The following CTNNA3 variants were observed in gnomAD, a reference collection of about 807,000 sequenced individuals.
The protein encoded by CTNNA3 is catenin alpha 3, also known as catenin alpha-3.
CTNNA3 carries 76 observed loss-of-function variants against 95.7 expected under a neutral mutation model. That is an observed-to-expected ratio of 0.79 (90% CI 0.66 to 0.96). CTNNA3 has a LOEUF of 0.96. Ranked by LOEUF, CTNNA3 falls within the 40% of genes least tolerant of loss-of-function variation. The pLI is 0.00. For synonymous variants in CTNNA3, 431 were observed against 374.4 expected (o/e 1.15, Z -1.74); for missense variants, 1,191 against 1,089.8 (o/e 1.09, Z -1.31).
chr10:66,261,394 C>A (rs2090994926), intron 13 of CTNNA3, among the ~76,000 whole-genome samples: 5 of 152,066 alleles, frequency 3.3e-5, no homozygotes, highest in Admixed American at 3.3e-4. Flanking sequence ...TATTCCTATT[C>A]TTAGCCAATG....
At chr10:66,112,983 T>A (rs2082175777) in intron 13 of CTNNA3, among the ~76,000 whole-genome samples, 1 of 152,188 alleles carries the variant, frequency 6.6e-6, no homozygotes. Context: ...TTGGGACATA[T>A]AACCAGAAGT....
At chr10:66,440,164 T>C (rs1350850138) in intron 11 of CTNNA3, among the ~76,000 whole-genome samples, 1 of 152,158 alleles carries the variant, frequency 6.6e-6, no homozygotes, top group African/African-American at 2.4e-5. Context: ...ACTTTAGATA[T>C]TTGAAGGTGA....
chr10:66,349,309 A>G (rs927602082), intron 12 of CTNNA3, among the ~76,000 whole-genome samples: 1 of 152,022 alleles, frequency 6.6e-6, no homozygotes, highest in African/African-American at 2.4e-5. Flanking sequence ...AAAAGCCTCA[A>G]ATGAATCCAC....
intron 13 of CTNNA3, among the ~76,000 whole-genome samples, chr10:66,188,474 A>G (rs1479450786): frequency 6.7e-6 from 1 of 149,638 alleles, no homozygotes; most frequent in Non-Finnish European, 1.5e-5. Flanking sequence ...AGATCAGGTG[A>G]TATTTGTCTT....
intron 3 of CTNNA3, among the ~76,000 whole-genome samples, chr10:67,583,687 C>A (rs2133327833): frequency 6.6e-6 from 1 of 152,344 alleles, no homozygotes; most frequent in Admixed American, 6.5e-5. Flanking sequence ...CCGTCACTTT[C>A]AGGTACACCA....
chr10:66,502,945 A>AT (rs201710393), intron 11 of CTNNA3, among the ~76,000 whole-genome samples: 1,639 of 147,742 alleles, frequency 0.011, 30 homozygotes, highest in African/African-American at 0.039. Context: ...AAATTATCAG[A>AT]TTTTTTTTAC....
At chr10:67,265,578 A>C (rs1866789600) in intron 5 of CTNNA3, among the ~76,000 whole-genome samples, 1 of 152,130 alleles carries the variant, frequency 6.6e-6, no homozygotes, top group African/African-American at 2.4e-5. Context: ...CAAAATGCCC[A>C]CACACACCTC....
intron 3 of CTNNA3, among the ~76,000 whole-genome samples, chr10:67,563,647 C>T (rs1251474722): frequency 1.3e-5 from 2 of 152,204 alleles, no homozygotes. Flanking sequence ...CAAATGGGAT[C>T]TAATTAAACT....
At chr10:66,119,642 T>TCC (rs2082489845) in intron 13 of CTNNA3, among the ~76,000 whole-genome samples, 1 of 152,194 alleles carries the variant, frequency 6.6e-6, no homozygotes, top group Non-Finnish European at 1.5e-5. Flanking sequence ...ATAACTTATA[T>TCC]TATATATTGA....
intron 7 of CTNNA3, among the ~76,000 whole-genome samples, chr10:67,078,057 G>A (rs1856824742): frequency 6.6e-6 from 1 of 152,098 alleles, no homozygotes; most frequent in Admixed American, 6.5e-5. Context: ...CACAGACCAG[G>A]GTCATACTTG....
chr10:66,953,508 G>T (rs1328804571), intron 7 of CTNNA3, among the ~76,000 whole-genome samples: 4 of 151,996 alleles, frequency 2.6e-5, no homozygotes, highest in Non-Finnish European at 5.9e-5. Flanking sequence ...ATACCATCAT[G>T]TTCTTCCAGA....
At position 67,567,006 on chromosome 10, in the gene CTNNA3, C is replaced by T. The variant is rs149132962; in HGVS notation, c.293-27337G>A. Among the ~76,000 whole-genome samples the T allele has an allele frequency of 6.2e-3, 728 of 118,016 alleles. 4 individuals are homozygous for T. The highest frequency in any genetic ancestry group is 0.024 in the Middle Eastern group (4 of 166). The allele number at this position is 118,016 out of a possible 152,430, so 77.4% of individuals were successfully genotyped here. On this transcript the variant is annotated intron_variant, in intron 3 of 17. Transcript: ENST00000433211. ...TGGACACAGAAAGGGGAACATCACA[C>T]TCTGGGGACTGTTTTGGGGTGGGGG...
At chr10:66,788,453 C>G (rs1840835068) in intron 7 of CTNNA3, among the ~76,000 whole-genome samples, 1 of 152,006 alleles carries the variant, frequency 6.6e-6, no homozygotes, top group Non-Finnish European at 1.5e-5. Context: ...ATTCTGGACT[C>G]AGAATTAGGA....
intron 7 of CTNNA3, among the ~76,000 whole-genome samples, chr10:67,008,989 G>C (rs189160990): frequency 2.0e-3 from 305 of 152,018 alleles, no homozygotes; most frequent in African/African-American, 7.0e-3. Context: ...ATACTTTCTT[G>C]TACTCAGAAT....
At chr10:66,452,806 C>T (rs2093472895) in intron 11 of CTNNA3, among the ~76,000 whole-genome samples, 1 of 152,078 alleles carries the variant, frequency 6.6e-6, no homozygotes, top group Non-Finnish European at 1.5e-5. Context: ...CTCACGGCCC[C>T]CAGGAACTGA....
At chr10:66,909,667 G>A (rs1176078368) in intron 7 of CTNNA3, among the ~76,000 whole-genome samples, 11 of 152,254 alleles carry the variant, frequency 7.2e-5, no homozygotes, top group Non-Finnish European at 1.5e-4. Flanking sequence ...GTCAAATAGA[G>A]ACCAAATGGT....
At chr10:66,766,170 C>G in intron 9 of CTNNA3, 94 bp downstream of exon 9, 1 of 1,324,198 alleles carries the variant, frequency 7.6e-7, no homozygotes, top group Non-Finnish European at 1.1e-6. Context: ...AACACGGTGT[C>G]AAAAGTTTTT....
intron 10 of CTNNA3, among the ~76,000 whole-genome samples, chr10:66,536,147 G>C (rs1264595209): frequency 1.3e-5 from 2 of 151,316 alleles, no homozygotes; most frequent in African/African-American, 4.9e-5. Flanking sequence ...GAGAGAGAGA[G>C]AGAGAGAGAG....
At chr10:67,179,699 C>G (rs1246441660) in intron 7 of CTNNA3, among the ~76,000 whole-genome samples, 1 of 151,894 alleles carries the variant, frequency 6.6e-6, no homozygotes, top group African/African-American at 2.4e-5. Context: ...CATGGTAACA[C>G]ACCTGTAGTC....
Sources: gnomAD v4.1 joint callset for allele counts (sites outside exome capture counted in the v4.1 genomes callset) on GRCh38, gnomAD v4.1.1 for gene constraint, MANE v1.5 for transcripts, NCBI Gene and HGNC (gene_info 2026-07-23, HGNC 2026-07-21) for gene names.